Variants in MOCOS observed in about 807,000 individuals in gnomAD.
MOCOS encodes the protein human molybdenum cofactor sulfurase.
A neutral mutation model predicts 83.6 loss-of-function variants in MOCOS; 86 were observed. The ratio of observed to expected loss-of-function variants is 1.03; its 90% CI spans 0.86 to 1.23. The LOEUF is 1.23. MOCOS is among the 50% of genes most tolerant of loss of function. The pLI, the probability that MOCOS is intolerant of heterozygous loss-of-function variation, is 0.00. For synonymous variants in MOCOS, 445 were observed against 434.7 expected, an observed-to-expected ratio of 1.02 and a Z score of -0.29; for missense variants, 1,120 against 1,126.9, an observed-to-expected ratio of 0.99 and a Z score of 0.09.
chr18:36,196,042 G>A (rs1439429959), intron 2 of MOCOS, among the ~76,000 whole-genome samples: 5 of 152,186 alleles, frequency 3.3e-5, no homozygotes, highest in African/African-American at 4.8e-5. Context: ...TCCCATAGTG[G>A]TTTCAGGAAC....
At position 36,205,117 on chromosome 18, in the gene MOCOS, T is replaced by C; in HGVS notation, c.1059T>C (p.Ala353=). Residue 353 remains alanine (A), a synonymous_variant, in exon 6 of 15, where the codon GCT becomes GCC. Coordinates refer to ENST00000261326, the MANE Select transcript of MOCOS (RefSeq NM_017947.4). The part of the protein sequence containing the change: ...ENIKQHTFTL[A]QYTYVALSSL... Reference sequence around the variant, plus strand: ...TAAAGCAGCACACCTTCACCTTGGCTCAGTATACCTACGTGGCCCTGTCCT... The same window carrying C: ...TAAAGCAGCACACCTTCACCTTGGCCCAGTATACCTACGTGGCCCTGTCCT... 1 of 1,613,342 alleles carries C rather than the reference T, an allele frequency of 6.2e-7. No homozygotes were observed. The highest frequency in any genetic ancestry group is 1.1e-5 in the South Asian group (1 of 91,038).
intron 2 of MOCOS, among the ~76,000 whole-genome samples, chr18:36,197,141 C>T (rs1211373444): frequency 6.6e-6 from 1 of 152,086 alleles, no homozygotes; most frequent in Admixed American, 6.5e-5. Context: ...CTAAGGGCAG[C>T]ACAGTGGCCC....
chr18:36,252,554 T>C (rs2091625939), intron 11 of MOCOS, among the ~76,000 whole-genome samples: 1 of 151,912 alleles, frequency 6.6e-6, no homozygotes, highest in Non-Finnish European at 1.5e-5. Flanking sequence ...CGAGACTCTG[T>C]CTCAAAAAAA....
intron 3 of MOCOS, 127 bp downstream of exon 3, chr18:36,198,883 T>C: frequency 2.1e-6 from 2 of 934,554 alleles, no homozygotes; most frequent in Admixed American, 1.9e-5. Flanking sequence ...TAAAAGGCAA[T>C]GCATGTATGT....
chr18:36,204,728 C>G (rs2091427790), intron 5 of MOCOS, among the ~76,000 whole-genome samples: 1 of 152,092 alleles, frequency 6.6e-6, no homozygotes, highest in Non-Finnish European at 1.5e-5. Context: ...CGTGGTGGCT[C>G]ATGCCTGTAA....
At chr18:36,209,033 G>A (rs2091444665) in intron 6 of MOCOS, among the ~76,000 whole-genome samples, 1 of 152,142 alleles carries the variant, frequency 6.6e-6, no homozygotes, top group South Asian at 2.1e-4. Flanking sequence ...AGCCTTTTCT[G>A]TGTCTATTGA....
chr18:36,248,940 T>G lies in MOCOS; in HGVS notation c.1979T>G (p.Val660Gly). 6.2e-7 allele frequency: 1 copy of G among 1,614,000 alleles called. No homozygotes were observed. Among genetic ancestry groups the G allele is most frequent in the Non-Finnish European group, 8.5e-7 (1 of 1,179,906 alleles). Residue 660 changes from valine (V) to glycine (G), a missense_variant, in exon 10 of 15, where the codon GTG (valine) becomes GGG (glycine). Physicochemically the swap from Val to Gly is moderately radical, Grantham distance 109 (BLOSUM62 -3). Transcript: ENST00000261326. ...TCATTAGGGATGGAGCCTATAGAGG[T>G]GCCTCTTGAGGAAAATAGTGAACGG... is the stretch of plus-strand genomic sequence containing the variant. Reference protein sequence around the residue: ...IKAKGMEPIEVPLEENSERTQ... With the variant: ...IKAKGMEPIEGPLEENSERTQ...
At chr18:36,267,989 C>T (rs912753160) in intron 14 of MOCOS, among the ~76,000 whole-genome samples, 21 of 152,164 alleles carry the variant, frequency 1.4e-4, no homozygotes, top group African/African-American at 4.1e-4. Context: ...ACTAACAGAT[C>T]GGAGAGCATG....
chr18:36,251,306 G>T, intron 11 of MOCOS, 23 bp downstream of exon 11: 4 of 1,612,778 alleles, frequency 2.5e-6, no homozygotes, highest in Non-Finnish European at 3.4e-6. Context: ...GAATTGGTTC[G>T]TAGAGAACAG....
At chr18:36,239,966 G>C (rs1161761927) in intron 9 of MOCOS, among the ~76,000 whole-genome samples, 1 of 147,066 alleles carries the variant, frequency 6.8e-6, no homozygotes, top group Non-Finnish European at 1.5e-5. Context: ...TAGTTCTCGA[G>C]CCTTGGTTTT....
chr18:36,190,452 T>TA (rs1168238481), intron 1 of MOCOS, among the ~76,000 whole-genome samples: 3 of 152,044 alleles, frequency 2.0e-5, no homozygotes, highest in Non-Finnish European at 4.4e-5. Context: ...TCCGGTTGTT[T>TA]AAAGTGTGTA....
intron 13 of MOCOS, among the ~76,000 whole-genome samples, chr18:36,264,726 T>G (rs918471559): frequency 2.0e-5 from 3 of 151,970 alleles, no homozygotes; most frequent in Non-Finnish European, 4.4e-5. Context: ...ACAGGGAGCA[T>G]ATATTTCCGC....
intron 4 of MOCOS, among the ~76,000 whole-genome samples, chr18:36,201,112 A>G (rs1359644041): frequency 6.6e-6 from 1 of 152,166 alleles, no homozygotes; most frequent in Non-Finnish European, 1.5e-5. Context: ...GTGGGGACAC[A>G]GGGTTGGGTA....
chr18:36,187,775 G>A, intron 1 of MOCOS, 94 bp downstream of exon 1: 2 of 1,220,374 alleles, frequency 1.6e-6, no homozygotes, highest in Non-Finnish European at 2.0e-6. Flanking sequence ...TACCTCATTC[G>A]GGCGCATTTT....
At chr18:36,202,300 G>GTCCA (rs2091417594) in intron 4 of MOCOS, among the ~76,000 whole-genome samples, 2 of 2,740 alleles carry the variant, frequency 7.3e-4, no homozygotes, top group Non-Finnish European at 5.3e-3. Flanking sequence ...ATAAATAATT[G>GTCCA]TCAATCAATA....
chr18:36,255,154 C>A (rs906595779), intron 11 of MOCOS, among the ~76,000 whole-genome samples: 3 of 152,124 alleles, frequency 2.0e-5, no homozygotes, highest in Non-Finnish European at 4.4e-5. Flanking sequence ...GGGCACCCTG[C>A]CATTTGTTCC....
At chr18:36,225,981 G>C (rs1186124504) in intron 9 of MOCOS, among the ~76,000 whole-genome samples, 1 of 150,494 alleles carries the variant, frequency 6.6e-6, no homozygotes, top group African/African-American at 2.5e-5. Context: ...ATCTATCCTG[G>C]AGAAAGATCC....
At chr18:36,255,619 C>T (rs187004021) in intron 11 of MOCOS, among the ~76,000 whole-genome samples, 50 of 152,154 alleles carry the variant, frequency 3.3e-4, no homozygotes, top group African/African-American at 1.2e-3. Context: ...CTGGCAGAGC[C>T]GTTTTAGCAA....
At chr18:36,226,821 A>G (rs1345630206) in intron 9 of MOCOS, among the ~76,000 whole-genome samples, 2 of 150,552 alleles carry the variant, frequency 1.3e-5, no homozygotes, top group Non-Finnish European at 3.0e-5. Context: ...ATAACTCTAC[A>G]CTTTAAGCTT....
Sources: allele counts gnomAD v4.1 joint callset (sites outside exome capture counted in the v4.1 genomes callset), GRCh38; gene constraint gnomAD v4.1.1; transcripts MANE v1.5; gene names NCBI Gene and HGNC (gene_info 2026-07-23, HGNC 2026-07-21).